MNAT1: variants seen among roughly 807,000 people sequenced by gnomAD.
MNAT1 encodes MNAT1 component of CDK activating kinase.
MNAT1 carries 43 observed loss-of-function variants against 42.0 expected under a neutral mutation model. That is an observed-to-expected ratio of 1.02 (90% CI 0.80 to 1.32). MNAT1 has a LOEUF of 1.32. Ranked by LOEUF, MNAT1 falls within the 40% of genes most tolerant of loss-of-function variation. The pLI is 0.00. For missense variants in MNAT1, 306 were observed against 350.4 expected (o/e 0.87, Z 1.01); for synonymous variants, 118 against 120.0 (o/e 0.98, Z 0.11).
intron 6 of MNAT1, among the ~76,000 whole-genome samples, chr14:60,863,801 T>C (rs1466783010): frequency 3.3e-5 from 5 of 152,080 alleles, no homozygotes; most frequent in Admixed American, 3.3e-4. Flanking sequence ...TCATAAAACA[T>C]GTCTCTTAAT....
At chr14:60,942,310 T>A (rs1182089566) in intron 7 of MNAT1, among the ~76,000 whole-genome samples, 4 of 152,186 alleles carry the variant, frequency 2.6e-5, no homozygotes, top group Admixed American at 1.3e-4. Flanking sequence ...TCTGGACTTC[T>A]TCCATCTTGC....
intron 7 of MNAT1, among the ~76,000 whole-genome samples, chr14:60,916,971 T>G (rs1291330493): frequency 6.6e-6 from 1 of 151,880 alleles, no homozygotes; most frequent in Non-Finnish European, 1.5e-5. Flanking sequence ...TTAAAAAAAT[T>G]AAAAAACAAA....
intron 1 of MNAT1, among the ~76,000 whole-genome samples, chr14:60,755,879 T>A (rs1594727392): frequency 6.6e-6 from 1 of 152,162 alleles, no homozygotes; most frequent in African/African-American, 2.4e-5. Flanking sequence ...CAGAGTGACA[T>A]CTCTCATTTT....
chr14:60,957,221 C>T (rs995415863), intron 7 of MNAT1, among the ~76,000 whole-genome samples: 1 of 152,018 alleles, frequency 6.6e-6, no homozygotes, highest in Non-Finnish European at 1.5e-5. Context: ...TATAGTTACG[C>T]TAGTCATACA....
intron 1 of MNAT1, among the ~76,000 whole-genome samples, chr14:60,741,658 G>GCTTTT (rs377257445): frequency 1.1e-5 from 1 of 92,022 alleles, no homozygotes; most frequent in African/African-American, 4.1e-5. Context: ...TGCGCCTGGG[G>GCTTTT]TTTTTTTTTT....
At chr14:60,963,096 C>T (rs1182689060) in intron 7 of MNAT1, among the ~76,000 whole-genome samples, 3 of 152,288 alleles carry the variant, frequency 2.0e-5, no homozygotes, top group African/African-American at 7.2e-5. Context: ...ATTCTCCTGC[C>T]TCAGCCTCCT....
chr14:60,845,566 A>G (rs905939178), intron 6 of MNAT1, among the ~76,000 whole-genome samples: 11 of 152,066 alleles, frequency 7.2e-5, no homozygotes, highest in Non-Finnish European at 1.5e-4. Context: ...AAATCCACTC[A>G]CATTAAGCAT....
At chr14:60,943,053 C>CT (rs377454616) in intron 7 of MNAT1, among the ~76,000 whole-genome samples, 2,864 of 53,088 alleles carry the variant, frequency 0.054, 1,103 homozygotes, top group African/African-American at 0.19. Context: ...TGTGTGTGCG[C>CT]TTTTTTTTTT....
At chr14:60,801,143 G>A (rs1185811872) in intron 3 of MNAT1, among the ~76,000 whole-genome samples, 3 of 151,962 alleles carry the variant, frequency 2.0e-5, no homozygotes, top group Admixed American at 6.6e-5. Context: ...AAGAAGAAGA[G>A]TTAACCAGAT....
chr14:60,886,536 C>T (rs1479616769), intron 7 of MNAT1, among the ~76,000 whole-genome samples: 1 of 151,654 alleles, frequency 6.6e-6, no homozygotes, highest in East Asian at 1.9e-4. Context: ...GTTTTGATTA[C>T]ATTACATTAA....
rs553548001 is a variant in MNAT1, at chr14:60,735,326, A to G, written c.89+375A>G. Among the ~76,000 whole-genome samples the G allele has an allele frequency of 1.2e-4, 18 of 152,294 alleles. No homozygotes were observed. The East Asian group carries it at 3.3e-3, about 28-fold the overall frequency. ...GAAATGTTTTTATTGAAAAAGTGCG[A>G]AAGTGCTATGAAAACTTAAAATTTG... On this transcript the variant is annotated intron_variant, in intron 1 of 7. Coordinates refer to ENST00000261245, the MANE Select transcript of MNAT1 (RefSeq NM_002431.4).
chr14:60,802,955 C>T (rs1258516597), intron 3 of MNAT1, among the ~76,000 whole-genome samples: 15 of 132,532 alleles, frequency 1.1e-4, no homozygotes, highest in East Asian at 2.2e-4. Flanking sequence ...TTTTTTGAGA[C>T]GGAGTTTCGC....
chr14:60,744,176 T>G (rs1056391842), intron 1 of MNAT1, among the ~76,000 whole-genome samples: 3 of 152,134 alleles, frequency 2.0e-5, no homozygotes, highest in Non-Finnish European at 2.9e-5. Flanking sequence ...CTGTTGCCCA[T>G]GCTGGAGTGC....
chr14:60,827,700 C>T (rs1258185390), intron 6 of MNAT1, among the ~76,000 whole-genome samples: 2 of 152,058 alleles, frequency 1.3e-5, no homozygotes, highest in African/African-American at 4.8e-5. Flanking sequence ...AAGTCATGTG[C>T]CCTTTCTCAA....
intron 1 of MNAT1, among the ~76,000 whole-genome samples, chr14:60,756,414 CT>C (rs2140296821): frequency 6.6e-6 from 1 of 152,256 alleles, no homozygotes; most frequent in African/African-American, 2.4e-5. Flanking sequence ...AAATTCTGAA[CT>C]TTTATAGAGT....
intron 5 of MNAT1, among the ~76,000 whole-genome samples, chr14:60,814,007 T>C (rs959053193): frequency 1.5e-4 from 23 of 152,172 alleles, no homozygotes; most frequent in African/African-American, 4.8e-4. Context: ...ACATTATAAC[T>C]GAGATGAGCC....
intron 7 of MNAT1, among the ~76,000 whole-genome samples, chr14:60,954,455 T>A (rs1282090293): frequency 6.6e-6 from 1 of 152,178 alleles, no homozygotes; most frequent in Non-Finnish European, 1.5e-5. Context: ...TTAAATTTGT[T>A]TTTAAATTGT....
Position 60,860,481 on chromosome 14 carries a change from T to A in MNAT1, c.688-19233T>A, listed in dbSNP as rs574619196. Among the ~76,000 whole-genome samples the A allele has an allele frequency of 4.0e-5, 6 of 151,328 alleles. No individual in the cohort carries two copies. The South Asian group carries it at 6.3e-4, about 16-fold the overall frequency. On this transcript the variant is annotated intron_variant, in intron 6 of 7. Transcript: ENST00000261245. ...CATTCTCTTGTCTCAGCCTTCTGAG[T>A]AGCTGGGACTACAGGCACCCACCAC...
intron 5 of MNAT1, among the ~76,000 whole-genome samples, chr14:60,813,268 A>T (rs1229125060): frequency 2.0e-5 from 3 of 152,008 alleles, no homozygotes; most frequent in Non-Finnish European, 1.5e-5. Context: ...CCCATGCAAA[A>T]CTTGTTCCTG....
Sources: allele counts gnomAD v4.1 joint callset (sites outside exome capture counted in the v4.1 genomes callset), GRCh38; gene constraint gnomAD v4.1.1; transcripts MANE v1.5; gene names NCBI Gene and HGNC (gene_info 2026-07-23, HGNC 2026-07-21).